The following SYT1 variants were observed in gnomAD, a reference collection of about 807,000 sequenced individuals.
The protein encoded by SYT1 is synaptotagmin 1.
In SYT1, 8 loss-of-function variants were observed where a neutral mutation model predicts 44.8. The ratio of observed to expected loss-of-function variants is 0.18; its 90% CI spans 0.10 to 0.32. The LOEUF (loss-of-function observed/expected upper bound fraction) is 0.32. Among genes scored for constraint, SYT1 ranks in the 10% least tolerant of loss-of-function variants. SYT1 has a pLI of 1.00. For synonymous variants in SYT1, 154 were observed against 188.8 expected (o/e 0.82, Z 1.51); for missense variants, 286 against 509.3 (o/e 0.56, Z 4.22).
chr12:79,002,081 T>C (rs1239923469), intron 2 of SYT1, among the ~76,000 whole-genome samples: 4 of 152,124 alleles, frequency 2.6e-5, no homozygotes, highest in Non-Finnish European at 4.4e-5. Context: ...TACAGTTGCA[T>C]AGAAATGTTT....
intron 8 of SYT1, among the ~76,000 whole-genome samples, chr12:79,347,426 C>T (rs1010225782): frequency 3.3e-5 from 5 of 152,122 alleles, no homozygotes; most frequent in African/African-American, 9.7e-5. Context: ...CTTTGAAGAA[C>T]TCTCCCAGCT....
chr12:79,037,735 C>G (rs183770926), intron 2 of SYT1, among the ~76,000 whole-genome samples: 42 of 151,952 alleles, frequency 2.8e-4, no homozygotes, highest in Non-Finnish European at 5.7e-4. Context: ...TTCCTACCAG[C>G]AACCCCACAG....
chr12:79,306,648 A>T (rs1044863666), intron 8 of SYT1, among the ~76,000 whole-genome samples: 4 of 152,260 alleles, frequency 2.6e-5, no homozygotes, highest in Non-Finnish European at 5.9e-5. Context: ...CCAAGAAAAT[A>T]TAATTGTTTT....
intron 2 of SYT1, among the ~76,000 whole-genome samples, chr12:79,039,712 G>A (rs551209541): frequency 0.011 from 1,651 of 149,398 alleles, 14 homozygotes; most frequent in Non-Finnish European, 0.017. Context: ...ATGCTGGTGC[G>A]CTGCACCCAC....
At chr12:79,129,786 G>A (rs1460229322) in intron 3 of SYT1, among the ~76,000 whole-genome samples, 1 of 152,080 alleles carries the variant, frequency 6.6e-6, no homozygotes, top group Non-Finnish European at 1.5e-5. Flanking sequence ...TGGGGAGGAG[G>A]CGGTGGCTTT....
At chr12:79,003,134 T>C (rs1412003175) in intron 2 of SYT1, among the ~76,000 whole-genome samples, 1 of 152,058 alleles carries the variant, frequency 6.6e-6, no homozygotes. Context: ...TCTCTCAACT[T>C]AGAATTTAGC....
At chr12:78,921,731 A>G (rs1877014634) in intron 1 of SYT1, among the ~76,000 whole-genome samples, 1 of 151,916 alleles carries the variant, frequency 6.6e-6, no homozygotes, top group African/African-American at 2.4e-5. Flanking sequence ...GCATATATAG[A>G]TATGTTCACA....
At chr12:79,348,895 CAAAG>C (rs201568506) in intron 8 of SYT1, among the ~76,000 whole-genome samples, 754 of 50,558 alleles carry the variant, frequency 0.015, 5 homozygotes, top group Middle Eastern at 0.038. Flanking sequence ...TGAAAAAAGA[CAAAG>C]AAAGAAAGAA....
At chr12:79,187,890 C>G (rs899137804) in intron 3 of SYT1, among the ~76,000 whole-genome samples, 3 of 152,138 alleles carry the variant, frequency 2.0e-5, no homozygotes, top group Admixed American at 2.0e-4. Flanking sequence ...ACAAGCTAAT[C>G]TTTACATTCT....
At chr12:79,067,646 C>A (rs953662727) in intron 3 of SYT1, among the ~76,000 whole-genome samples, 8 of 152,066 alleles carry the variant, frequency 5.3e-5, no homozygotes, top group Non-Finnish European at 7.4e-5. Context: ...TGTAAGGAGA[C>A]CTTGTAATGC....
intron 8 of SYT1, among the ~76,000 whole-genome samples, chr12:79,321,584 C>A: frequency 6.6e-6 from 1 of 152,168 alleles, no homozygotes; most frequent in Non-Finnish European, 1.5e-5. Flanking sequence ...TCCATAGACA[C>A]CTGAACTGAA....
At chr12:79,366,284 AT>A (rs1233313463) in intron 9 of SYT1, among the ~76,000 whole-genome samples, 1 of 152,252 alleles carries the variant, frequency 6.6e-6, no homozygotes, top group Non-Finnish European at 1.5e-5. Context: ...TTTCACCAAA[AT>A]TTTTTAAAAA....
chr12:79,137,486 C>G (rs893503535), intron 3 of SYT1, among the ~76,000 whole-genome samples: 1 of 152,088 alleles, frequency 6.6e-6, no homozygotes, highest in Non-Finnish European at 1.5e-5. Context: ...CACAATAATA[C>G]AAGAGCAATG....
chr12:79,009,377 CA>C (rs1871283832), intron 2 of SYT1, among the ~76,000 whole-genome samples: 1 of 152,144 alleles, frequency 6.6e-6, no homozygotes, highest in Non-Finnish European at 1.5e-5. Context: ...TTGTCAAAAG[CA>C]GTAGGCAAAC....
intron 8 of SYT1, among the ~76,000 whole-genome samples, chr12:79,339,620 A>G (rs1409118800): frequency 6.6e-6 from 1 of 152,004 alleles, no homozygotes. Context: ...TCTGAAGGTT[A>G]CCTGTTCACT....
chr12:79,331,224 T>C (rs1881840756), intron 8 of SYT1, among the ~76,000 whole-genome samples: 1 of 152,234 alleles, frequency 6.6e-6, no homozygotes, highest in Non-Finnish European at 1.5e-5. Flanking sequence ...TGGATAAATT[T>C]AGAAGTCACC....
chr12:79,399,330 T>A (rs1345231409), intron 9 of SYT1, among the ~76,000 whole-genome samples: 1 of 150,970 alleles, frequency 6.6e-6, no homozygotes, highest in Non-Finnish European at 1.5e-5. Flanking sequence ...CCAATCACTG[T>A]CTTCAGTAGG....
chr12:78,953,052 C>A (rs1315905231), intron 1 of SYT1, among the ~76,000 whole-genome samples: 1 of 152,030 alleles, frequency 6.6e-6, no homozygotes, highest in Non-Finnish European at 1.5e-5. Flanking sequence ...CCATAGGCTC[C>A]TTGGAAGCAG....
At chr12:79,087,263 A>G (rs1877444574) in intron 3 of SYT1, among the ~76,000 whole-genome samples, 2 of 152,162 alleles carry the variant, frequency 1.3e-5, no homozygotes, top group Admixed American at 1.3e-4. Flanking sequence ...TTTATGGGAC[A>G]GCTATTAAAA....
Sources: gnomAD v4.1 joint callset for allele counts (sites outside exome capture counted in the v4.1 genomes callset) on GRCh38, gnomAD v4.1.1 for gene constraint, MANE v1.5 for transcripts, NCBI Gene and HGNC (gene_info 2026-07-23, HGNC 2026-07-21) for gene names.